NEDD4: variants seen among roughly 807,000 people sequenced by gnomAD.
NEDD4 encodes NEDD4 E3 ubiquitin protein ligase, also known as E3 ubiquitin-protein ligase NEDD4.
NEDD4 carries 99 observed loss-of-function variants against 144.9 expected under a neutral mutation model. The ratio of observed to expected loss-of-function variants is 0.68; its 90% CI spans 0.58 to 0.81. The LOEUF (loss-of-function observed/expected upper bound fraction) is 0.81. NEDD4 is among the 30% of genes least tolerant of loss of function. NEDD4 has a pLI of 0.00. For missense variants in NEDD4, 985 were observed against 1,065.9 expected, an observed-to-expected ratio of 0.92 and a Z score of 1.06; for synonymous variants, 318 against 350.6, an observed-to-expected ratio of 0.91 and a Z score of 1.04.
chr15:55,877,706 T>C (rs2035041669), intron 5 of NEDD4, among the ~76,000 whole-genome samples: 1 of 152,146 alleles, frequency 6.6e-6, no homozygotes, highest in Non-Finnish European at 1.5e-5. Context: ...CATTATTCTT[T>C]TTATATTAAT....
At chr15:55,988,466 G>A (rs2037932201) in intron 1 of NEDD4, among the ~76,000 whole-genome samples, 3 of 86,702 alleles carry the variant, frequency 3.5e-5, no homozygotes, top group African/African-American at 4.6e-5. Flanking sequence ...CTAAAACTTA[G>A]AGTATAATAA....
intron 5 of NEDD4, among the ~76,000 whole-genome samples, chr15:55,911,369 G>T (rs2036267051): frequency 6.6e-6 from 1 of 151,992 alleles, no homozygotes; most frequent in South Asian, 2.1e-4. Context: ...TGATTTCTCT[G>T]CCTGATGAAC....
At chr15:55,921,457 C>T (rs751018467) in intron 5 of NEDD4, among the ~76,000 whole-genome samples, 3 of 151,672 alleles carry the variant, frequency 2.0e-5, no homozygotes, top group Non-Finnish European at 4.4e-5. Flanking sequence ...CCAGAGTAGC[C>T]GGGACTACAG....
intron 2 of NEDD4, among the ~76,000 whole-genome samples, chr15:55,955,470 A>G (rs138628831): frequency 9.2e-4 from 140 of 152,164 alleles, no homozygotes; most frequent in Non-Finnish European, 1.6e-3. Context: ...ATTTCTACTT[A>G]CCCCTCACCC....
At chr15:55,853,754 T>C (rs1447381716) in intron 12 of NEDD4, among the ~76,000 whole-genome samples, 1 of 152,152 alleles carries the variant, frequency 6.6e-6, no homozygotes, top group Non-Finnish European at 1.5e-5. Flanking sequence ...TTTTGGGGGC[T>C]GAGGTGGGCG....
At chr15:55,917,234 C>CGGCGACCACCG in intron 5 of NEDD4, 1 of 889,332 alleles carries the variant, frequency 1.1e-6, no homozygotes, top group Admixed American at 5.3e-5. Flanking sequence ...CAAGTTGAAA[C>CGGCGACCACCG]AGTATTTTTT....
chr15:55,845,486 A>G (rs150045933), intron 18 of NEDD4, among the ~76,000 whole-genome samples: 227 of 152,260 alleles, frequency 1.5e-3, no homozygotes, highest in African/African-American at 5.1e-3. Context: ...AACGCCTGGT[A>G]TGCAATGAGA....
intron 13 of NEDD4, 86 bp downstream of exon 13, chr15:55,852,337 TG>T: frequency 7.2e-7 from 1 of 1,381,764 alleles, no homozygotes; most frequent in Non-Finnish European, 9.7e-7. Context: ...AAGTATCCAG[TG>T]TATCCTACAA....
chr15:55,854,626 G>C (rs73414255), intron 12 of NEDD4, among the ~76,000 whole-genome samples: 2,776 of 152,280 alleles, frequency 0.018, 91 homozygotes, highest in African/African-American at 0.063. Context: ...TAGGCATAGG[G>C]ATTGAGGGAA....
At chr15:55,909,972 T>C (rs962441430) in intron 5 of NEDD4, among the ~76,000 whole-genome samples, 4 of 151,914 alleles carry the variant, frequency 2.6e-5, no homozygotes, top group Admixed American at 6.6e-5. Flanking sequence ...TTTTCACTTA[T>C]AATTTTCTGT....
chr15:55,856,551 C>T (rs1205116661), intron 11 of NEDD4, among the ~76,000 whole-genome samples: 2 of 151,872 alleles, frequency 1.3e-5, no homozygotes. Flanking sequence ...CAGCAATATC[C>T]TAAGAGGTTT....
chr15:55,847,117 C>A (rs558538019), intron 17 of NEDD4, 83 bp from the exon 18 acceptor site: 11 of 773,818 alleles, frequency 1.4e-5, no homozygotes, highest in East Asian at 2.8e-5. Flanking sequence ...ATTTTATGAA[C>A]GTAAGGGCAT....
At chr15:55,926,766 C>T (rs1193856900) in intron 4 of NEDD4, among the ~76,000 whole-genome samples, 1 of 151,860 alleles carries the variant, frequency 6.6e-6, no homozygotes, top group African/African-American at 2.4e-5. Context: ...AACCTGTCCC[C>T]TCCCCTCCAC....
intron 5 of NEDD4, among the ~76,000 whole-genome samples, chr15:55,903,875 T>C (rs1376303642): frequency 4.3e-5 from 6 of 140,074 alleles, no homozygotes; most frequent in Admixed American, 2.9e-4. Context: ...TATACACACA[T>C]TGGCTGGGCA....
At chr15:55,872,274 A>AAATAAT (rs200943726) in intron 7 of NEDD4, 141 bp downstream of exon 7, 69 of 232,070 alleles carry the variant, frequency 3.0e-4, no homozygotes, top group South Asian at 1.1e-3. Context: ...GAAGCTTTTA[A>AAATAAT]AATAATAATA....
chr15:55,934,044 T>C (rs2036835093), intron 4 of NEDD4, among the ~76,000 whole-genome samples: 1 of 152,068 alleles, frequency 6.6e-6, no homozygotes, highest in African/African-American at 2.4e-5. Context: ...TCCCAGCTAC[T>C]TGGGAGGCTG....
intron 5 of NEDD4, among the ~76,000 whole-genome samples, chr15:55,913,006 C>T (rs888661723): frequency 3.9e-5 from 6 of 152,052 alleles, no homozygotes; most frequent in Admixed American, 1.3e-4. Flanking sequence ...AAAAATCAGT[C>T]ATTAATAAGC....
rs552122930 is a variant in NEDD4, at chr15:55,923,371, G to A, written c.291+1275C>T. Among the ~76,000 whole-genome samples the A allele has an allele frequency of 6.6e-5, 10 of 152,092 alleles. No individual in the cohort carries two copies. In the East Asian group the frequency reaches 1.9e-3, roughly 30 times the overall value. ...CCTTAAAAATTAGATGGCCAGGCTG[G>A]GCATGGCAGCTCATGCCTGTAATCC... On this transcript the variant is annotated intron_variant, in intron 5 of 28. Coordinates refer to ENST00000435532, the MANE Select transcript of NEDD4 (RefSeq NM_006154.4).
At chr15:55,916,264 T>G in intron 5 of NEDD4, 3 of 1,614,080 alleles carry the variant, frequency 1.9e-6, no homozygotes, top group Non-Finnish European at 2.5e-6. Flanking sequence ...GTATAACTAC[T>G]ACTGTCACTG....
Sources: allele counts gnomAD v4.1 joint callset (sites outside exome capture counted in the v4.1 genomes callset), GRCh38; gene constraint gnomAD v4.1.1; transcripts MANE v1.5; gene names NCBI Gene and HGNC (gene_info 2026-07-23, HGNC 2026-07-21).